The following METTL4 variants were observed in gnomAD, a reference collection of about 807,000 sequenced individuals.
METTL4 encodes the protein N(6)-adenine-specific methyltransferase METTL4.
In METTL4, 40 loss-of-function variants were observed where a neutral mutation model predicts 54.0. The ratio of observed to expected loss-of-function variants is 0.74; its 90% confidence interval spans 0.58 to 0.96. The LOEUF is 0.96. Ranked by LOEUF, METTL4 falls within the 50% of genes least tolerant of loss-of-function variation. The pLI, the probability that METTL4 is intolerant of heterozygous loss-of-function variation, is 0.00. For missense variants in METTL4, 525 were observed against 549.0 expected (o/e 0.96, Z 0.44); for synonymous variants, 169 against 183.8 (o/e 0.92, Z 0.65).
intron 6 of METTL4, among the ~76,000 whole-genome samples, chr18:2,545,757 G>A (rs1350357187): frequency 6.6e-6 from 1 of 151,930 alleles, no homozygotes; most frequent in Non-Finnish European, 1.5e-5. Flanking sequence ...CCTACAAAAA[G>A]TGCTGTATAA....
chr18:2,548,306 G>A (rs1322972704), intron 5 of METTL4, among the ~76,000 whole-genome samples: 1 of 152,070 alleles, frequency 6.6e-6, no homozygotes, highest in Non-Finnish European at 1.5e-5. Flanking sequence ...TCAGTGGAAG[G>A]GGAGAAGTCA....
Position 2,566,841 on chromosome 18 carries a change from A to G in METTL4, c.376T>C (p.Ser126Pro). 1.9e-6 allele frequency: 3 copies of G among 1,569,362 alleles called. No individual in the cohort carries two copies. Among genetic ancestry groups the G allele is most frequent in the Non-Finnish European group, 2.6e-6 (3 of 1,157,984 alleles). ...DLMNGVKKEI[S>P]ISIIGKKRKR... ...TCTACCTTCCCAATAATAGAAATGGAGATTTCTTTTTTAACACCATTCATC... is the reference window on the plus strand; with the variant it reads ...TCTACCTTCCCAATAATAGAAATGGGGATTTCTTTTTTAACACCATTCATC... The change falls in exon 2 of 9, where the codon TCC (serine) becomes CCC (proline). Residue 126 changes from serine to proline, a missense_variant. Transcript: ENST00000574538.
intron 5 of METTL4, among the ~76,000 whole-genome samples, chr18:2,548,450 A>T (rs981911227): frequency 6.6e-6 from 1 of 152,116 alleles, no homozygotes; most frequent in African/African-American, 2.4e-5. Flanking sequence ...AATCCATTTC[A>T]TCCTCAACAT....
chr18:2,544,109 G>T, intron 8 of METTL4, 86 bp downstream of exon 8: 2 of 977,514 alleles, frequency 2.0e-6, no homozygotes, highest in South Asian at 3.5e-5. Flanking sequence ...CTTAATTTCC[G>T]AATCTGTAGG....
At chr18:2,540,340 A>T in intron 8 of METTL4, 1 of 982,122 alleles carries the variant, frequency 1.0e-6, no homozygotes, top group Non-Finnish European at 1.2e-6. Context: ...TATGGTTCAT[A>T]ATTGCTATGT....
chr18:2,559,537 T>C (rs150428660), intron 3 of METTL4, among the ~76,000 whole-genome samples: 215 of 152,280 alleles, frequency 1.4e-3, no homozygotes, highest in African/African-American at 5.0e-3. Flanking sequence ...TGCCACTAAA[T>C]TGTACATCTA....
intron 8 of METTL4, among the ~76,000 whole-genome samples, chr18:2,543,973 A>G (rs936535599): frequency 3.3e-5 from 5 of 152,250 alleles, no homozygotes; most frequent in Non-Finnish European, 5.9e-5. Context: ...GGAATCTGAA[A>G]AATGGTATAA....
chr18:2,542,346 TCCCTCC>T (rs748547686), intron 8 of METTL4, among the ~76,000 whole-genome samples: 74 of 123,840 alleles, frequency 6.0e-4, no homozygotes, highest in Non-Finnish European at 1.1e-3. Context: ...CCCAATGCTA[TCCCTCC>T]CCCCTCCCCC....
chr18:2,550,779 A>G (rs2143513961), intron 5 of METTL4, among the ~76,000 whole-genome samples: 1 of 152,374 alleles, frequency 6.6e-6, no homozygotes, highest in Non-Finnish European at 1.5e-5. Flanking sequence ...CTGAACATGT[A>G]TAATCCAGAC....
chr18:2,544,962 A>G (rs2072050421), intron 6 of METTL4, among the ~76,000 whole-genome samples: 1 of 152,180 alleles, frequency 6.6e-6, no homozygotes. Flanking sequence ...TTAATTATAT[A>G]TTTAATTCAG....
In METTL4 at chr18:2,567,102, ACTC is replaced by A; in HGVS notation, c.112_114del (p.Glu38del). On this transcript the variant is annotated inframe_deletion, in exon 2 of 9. Transcript: ENST00000574538. Reference sequence around the variant, plus strand: ...GACTCAAAGTGAACAGAAGTAGTGAACTCCTTTTTACGGCAACAAGGTTCATGA... The same window carrying A: ...GACTCAAAGTGAACAGAAGTAGTGAACTTTTTACGGCAACAAGGTTCATGA... 1 of 1,614,106 alleles carries A rather than the reference ACTC, an allele frequency of 6.2e-7. No individual in the cohort carries two copies. Among genetic ancestry groups the A allele is most frequent in the Non-Finnish European group, 8.5e-7 (1 of 1,179,994 alleles).
chr18:2,567,376 G>A lies in METTL4; in HGVS notation c.-160C>T, dbSNP rs2072437487. On this transcript the variant is annotated 5_prime_UTR_variant, in exon 2 of 9. Coordinates refer to ENST00000574538, the MANE Select transcript of METTL4 (RefSeq NM_022840.5). ...AAAAACCTGACATGCACATTGAAGA[G>A]AATTTATCATTCATGATGTTAATAT... 5 of 519,016 alleles carry A rather than the reference G, an allele frequency of 9.6e-6. No homozygotes were observed. Among genetic ancestry groups the A allele is most frequent in the Middle Eastern group, 2.8e-4 (1 of 3,616 alleles). 32.2% of individuals were successfully genotyped at this position (519,016 alleles called of 1,614,324 possible). A position where few individuals can be genotyped will look rare whatever the true frequency, so the allele number is the denominator to read the frequency against.
chr18:2,566,867 A>G lies in METTL4; in HGVS notation c.350T>C (p.Leu117Pro). Residue 117 changes from leucine (L) to proline (P), a missense_variant, in exon 2 of 9, where the codon CTG (leucine) becomes CCG (proline). Transcript: ENST00000574538. ...GATTTCTTTTTTAACACCATTCATCAGATCTTCCTTTTCATTACTTTGCTG... is the reference window on the plus strand; with the variant it reads ...GATTTCTTTTTTAACACCATTCATCGGATCTTCCTTTTCATTACTTTGCTG... The part of the protein sequence containing the change: ...ECQQSNEKED[L>P]MNGVKKEISI... 1 of 1,607,084 alleles carries G rather than the reference A, an allele frequency of 6.2e-7. No homozygotes were observed. Among genetic ancestry groups the G allele is most frequent in the Non-Finnish European group, 8.5e-7 (1 of 1,176,146 alleles).
intron 2 of METTL4, among the ~76,000 whole-genome samples, chr18:2,565,597 C>T (rs1269157968): frequency 6.6e-6 from 1 of 152,114 alleles, no homozygotes; most frequent in Non-Finnish European, 1.5e-5. Context: ...TTCTTTATTA[C>T]TTTCCTTATT....
chr18:2,567,021 C>G lies in METTL4; in HGVS notation c.196G>C (p.Asp66His), dbSNP rs369367243. ...SGVCAAFIAS[D>H]SSTKPENDDG... Reference sequence around the variant, plus strand: ...TCATTCTCTGGCTTAGTGGAAGAGTCAGAAGCAATAAATGCAGCACAGACT... The same window carrying G: ...TCATTCTCTGGCTTAGTGGAAGAGTGAGAAGCAATAAATGCAGCACAGACT... Residue 66 changes from aspartate to histidine, a missense_variant, in exon 2 of 9, where the codon GAC (aspartate) becomes CAC (histidine). Physicochemically the swap from Asp to His is moderately conservative, Grantham distance 81. Coordinates refer to ENST00000574538, the MANE Select transcript of METTL4 (RefSeq NM_022840.5). 1 of 1,613,978 alleles carries G rather than the reference C, an allele frequency of 6.2e-7. No individual in the cohort carries two copies. The highest frequency in any genetic ancestry group is 1.3e-5 in the African/African-American group (1 of 74,904).
Position 2,567,201 on chromosome 18 carries a change from G to C in METTL4, c.16C>G (p.Gln6Glu). 2 of 1,605,376 alleles carry C rather than the reference G, an allele frequency of 1.2e-6. No homozygotes were observed. Among genetic ancestry groups the C allele is most frequent in the Non-Finnish European group, 1.7e-6 (2 of 1,175,468 alleles). Reference protein sequence around the residue: MSVVHQLSAGWLLDHL... With the variant: MSVVHELSAGWLLDHL... Reference sequence around the variant, plus strand: ...TCCAGTAACCACCCAGCTGACAACTGGTGTACCACAGACATTCCCTTCCTT... The same window carrying C: ...TCCAGTAACCACCCAGCTGACAACTCGTGTACCACAGACATTCCCTTCCTT... Residue 6 changes from glutamine (Q) to glutamate (E), a missense_variant, in exon 2 of 9, where the codon CAG becomes GAG. Gln to Glu is a conservative substitution (Grantham distance 29, BLOSUM62 2). Coordinates refer to ENST00000574538, the MANE Select transcript of METTL4 (RefSeq NM_022840.5).
At position 2,566,924 on chromosome 18, in the gene METTL4, G is replaced by A. The variant is rs1343941470; in HGVS notation, c.293C>T (p.Pro98Leu). 6.2e-7 allele frequency: 1 copy of A among 1,613,800 alleles called. No homozygotes were observed. Among genetic ancestry groups the A allele is most frequent in the African/African-American group, 1.3e-5 (1 of 74,986 alleles). The change falls in exon 2 of 9, where the codon CCT becomes CTT. Residue 98 changes from proline to leucine, a missense_variant. Coordinates refer to ENST00000574538, the MANE Select transcript of METTL4 (RefSeq NM_022840.5). ...TTTATGAACAGCTGGAGTTATATAA[G>A]GTTTGGTGACATCAAACAGTTCAGG... is the stretch of plus-strand genomic sequence containing the variant. ...FRPELFDVTK[P>L]YITPAVHKEC...
chr18:2,543,521 A>G (rs1038790178), intron 8 of METTL4, among the ~76,000 whole-genome samples: 5 of 152,200 alleles, frequency 3.3e-5, no homozygotes. Context: ...TAGAGGACTA[A>G]ATATCATTAT....
At chr18:2,561,854 T>C (rs1202865806) in intron 3 of METTL4, 2 of 152,220 alleles carry the variant, frequency 1.3e-5, no homozygotes, top group Non-Finnish European at 2.9e-5. Context: ...AATTTTTTTA[T>C]AGATATAAAT....
Sources: gnomAD v4.1 joint callset for allele counts (sites outside exome capture counted in the v4.1 genomes callset) on GRCh38, gnomAD v4.1.1 for gene constraint, MANE v1.5 for transcripts, NCBI Gene and HGNC (gene_info 2026-07-23, HGNC 2026-07-21) for gene names.